CHN2: variants seen among roughly 807,000 people sequenced by gnomAD.
CHN2 encodes the protein chimerin 2.
CHN2 carries 35 observed loss-of-function variants against 56.3 expected under a neutral mutation model. The observed-to-expected ratio is 0.62, with a 90% CI of 0.47 to 0.82. CHN2 has a LOEUF of 0.82. CHN2 is among the 40% of genes least tolerant of loss of function. CHN2 has a pLI of 0.00. For synonymous variants in CHN2, 210 were observed against 212.8 expected (o/e 0.99, Z 0.12); for missense variants, 491 against 580.5 (o/e 0.85, Z 1.58).
chr7:29,435,066 T>G (rs998102551), intron 6 of CHN2, among the ~76,000 whole-genome samples: 1 of 152,126 alleles, frequency 6.6e-6, no homozygotes, highest in Non-Finnish European at 1.5e-5. Context: ...CACTCCAGCC[T>G]GGGCAACAGA....
chr7:29,504,864 C>T, intron 10 of CHN2, 43 bp downstream of exon 10: 1 of 1,351,994 alleles, frequency 7.4e-7, no homozygotes, highest in Non-Finnish European at 1.1e-6. Context: ...ATCCTAACAC[C>T]CTTCTCGATT....
intron 1 of CHN2, among the ~76,000 whole-genome samples, chr7:29,339,155 T>C (rs1796843953): frequency 6.6e-6 from 1 of 152,206 alleles, no homozygotes; most frequent in Admixed American, 6.5e-5. Context: ...GGTCACTTCA[T>C]GGAATCATTT....
At chr7:29,305,233 AAAG>A (rs1234421293) in intron 1 of CHN2, among the ~76,000 whole-genome samples, 1 of 152,176 alleles carries the variant, frequency 6.6e-6, no homozygotes, top group East Asian at 1.9e-4. Context: ...CATTCCAGAG[AAAG>A]AAGAGTGTTT....
intron 6 of CHN2, among the ~76,000 whole-genome samples, chr7:29,412,083 T>C (rs1803269424): frequency 6.6e-6 from 1 of 152,128 alleles, no homozygotes; most frequent in Admixed American, 6.5e-5. Flanking sequence ...AATCCAATAA[T>C]CCACACTACC....
chr7:29,274,960 G>A (rs1256318172), intron 1 of CHN2, among the ~76,000 whole-genome samples: 2 of 152,096 alleles, frequency 1.3e-5, no homozygotes, highest in Non-Finnish European at 2.9e-5. Flanking sequence ...GGGCAGGGTG[G>A]TGACTATGCC....
chr7:29,416,830 C>T (rs1026598316), intron 6 of CHN2, among the ~76,000 whole-genome samples: 1 of 152,204 alleles, frequency 6.6e-6, no homozygotes, highest in Admixed American at 6.5e-5. Flanking sequence ...TACTGACTCT[C>T]ATAGAATATA....
intron 1 of CHN2, among the ~76,000 whole-genome samples, chr7:29,266,633 C>T (rs1180254482): frequency 2.6e-5 from 4 of 152,142 alleles, no homozygotes; most frequent in Non-Finnish European, 4.4e-5. Flanking sequence ...ATTTGACAGT[C>T]GAGGGAACTG....
At chr7:29,404,137 A>G (rs530958818) in intron 6 of CHN2, among the ~76,000 whole-genome samples, 1 of 152,294 alleles carries the variant, frequency 6.6e-6, no homozygotes, top group Admixed American at 6.5e-5. Flanking sequence ...CACTGCCCTT[A>G]GTGCTTTGAG....
intron 2 of CHN2, among the ~76,000 whole-genome samples, chr7:29,147,976 C>T (rs923626926): frequency 6.6e-6 from 1 of 152,154 alleles, no homozygotes; most frequent in Non-Finnish European, 1.5e-5. Flanking sequence ...TTGCAGCCAC[C>T]TCCTCTCTTC....
intron 1 of CHN2, among the ~76,000 whole-genome samples, chr7:29,260,125 C>T (rs891096791): frequency 1.6e-4 from 25 of 151,934 alleles, no homozygotes; most frequent in African/African-American, 5.1e-4. Context: ...TTACAGGCAC[C>T]CACCATCATG....
intron 1 of CHN2, among the ~76,000 whole-genome samples, chr7:29,288,630 T>A (rs1207878340): frequency 2.0e-5 from 3 of 152,186 alleles, no homozygotes; most frequent in Non-Finnish European, 4.4e-5. Flanking sequence ...CAGCAGTGGC[T>A]CTAGTCAGCT....
intron 6 of CHN2, among the ~76,000 whole-genome samples, chr7:29,414,794 C>T (rs970322912): frequency 8.5e-5 from 13 of 152,306 alleles, no homozygotes; most frequent in African/African-American, 3.1e-4. Context: ...TGCCTCTCAG[C>T]CTTTACACAG....
chr7:29,500,607 G>A (rs1395694320), intron 9 of CHN2, among the ~76,000 whole-genome samples: 1 of 152,138 alleles, frequency 6.6e-6, no homozygotes, highest in Non-Finnish European at 1.5e-5. Context: ...GCCGTGTTCA[G>A]GGTACCATGG....
chr7:29,486,092 A>G (rs1787957628), intron 7 of CHN2, among the ~76,000 whole-genome samples: 1 of 151,830 alleles, frequency 6.6e-6, no homozygotes, highest in Non-Finnish European at 1.5e-5. Flanking sequence ...GACATCGTAC[A>G]TATTTATGTG....
intron 3 of CHN2, among the ~76,000 whole-genome samples, chr7:29,370,455 G>A (rs550181136): frequency 3.3e-5 from 5 of 152,120 alleles, no homozygotes; most frequent in South Asian, 4.2e-4. Flanking sequence ...TTTTTTCTAC[G>A]TACGTTTTCC....
intron 1 of CHN2, among the ~76,000 whole-genome samples, chr7:29,201,203 C>T (rs1420049908): frequency 1.3e-5 from 2 of 152,174 alleles, no homozygotes; most frequent in Non-Finnish European, 2.9e-5. Flanking sequence ...CAAGGAGGAA[C>T]CTTGGTAGTT....
At chr7:29,228,837 A>C (rs1349955678) in intron 1 of CHN2, among the ~76,000 whole-genome samples, 1 of 152,234 alleles carries the variant, frequency 6.6e-6, no homozygotes, top group East Asian at 1.9e-4. Context: ...CAATCCACCC[A>C]CATGCCCTGG....
chr7:29,505,319 A>C (rs939929403), intron 10 of CHN2, among the ~76,000 whole-genome samples: 3 of 152,232 alleles, frequency 2.0e-5, no homozygotes. Flanking sequence ...CTCATTCAGA[A>C]AGCTGGATAA....
intron 1 of CHN2, among the ~76,000 whole-genome samples, chr7:29,319,565 A>C (rs747293671): frequency 2.6e-5 from 4 of 152,232 alleles, no homozygotes; most frequent in Non-Finnish European, 5.9e-5. Context: ...TGCAGCTGCC[A>C]AAATTGTTGA....
Sources: allele counts gnomAD v4.1 joint callset (sites outside exome capture counted in the v4.1 genomes callset), GRCh38; gene constraint gnomAD v4.1.1; transcripts MANE v1.5; gene names NCBI Gene and HGNC (gene_info 2026-07-23, HGNC 2026-07-21).